PCDHA2: variants seen among roughly 807,000 people sequenced by gnomAD.
PCDHA2 encodes protocadherin alpha 2.
A neutral mutation model predicts 66.0 loss-of-function variants in PCDHA2; 58 were observed. The ratio of observed to expected loss-of-function variants is 0.88; its 90% CI spans 0.71 to 1.09. The LOEUF is 1.09. Ranked by LOEUF, PCDHA2 falls within the 50% of genes least tolerant of loss-of-function variation. PCDHA2 has a pLI of 0.00. For missense variants in PCDHA2, 1,267 were observed against 1,242.3 expected (o/e 1.02, Z -0.30); for synonymous variants, 634 against 554.0 (o/e 1.14, Z -2.03).
chr5:140,876,922 G>C (rs1554169106), intron 1 of PCDHA2: 6 of 1,613,906 alleles, frequency 3.7e-6, no homozygotes, highest in African/African-American at 2.7e-5. Context: ...GGACGCGGAC[G>C]CGCAGAAGAA....
At chr5:140,829,578 A>G in intron 1 of PCDHA2, 1 of 1,612,330 alleles carries the variant, frequency 6.2e-7, no homozygotes, top group East Asian at 2.2e-5. Context: ...TCGCTGGTGG[A>G]GCGGCGGGTG....
intron 1 of PCDHA2, among the ~76,000 whole-genome samples, chr5:140,953,875 C>T (rs1054189459): frequency 4.6e-5 from 7 of 152,088 alleles, no homozygotes; most frequent in Admixed American, 4.6e-4. Context: ...CTGCACAGAT[C>T]AACCCATCAC....
intron 1 of PCDHA2, chr5:140,870,895 G>A (rs2052513329): frequency 6.2e-7 from 1 of 1,613,844 alleles, no homozygotes; most frequent in African/African-American, 1.3e-5. Flanking sequence ...CGCAGTGGAT[G>A]CGGACTCAGG....
At chr5:140,924,477 T>C (rs1378646713) in intron 1 of PCDHA2, among the ~76,000 whole-genome samples, 1 of 152,230 alleles carries the variant, frequency 6.6e-6, no homozygotes, top group Admixed American at 6.5e-5. Context: ...AACTGGTTTT[T>C]AGTGGAACAC....
chr5:140,818,474 G>T (rs1766368154), intron 1 of PCDHA2, among the ~76,000 whole-genome samples: 1 of 152,132 alleles, frequency 6.6e-6, no homozygotes, highest in South Asian at 2.1e-4. Flanking sequence ...CTCCCACAAA[G>T]TTTTCACTCA....
At chr5:141,005,985 T>C (rs2098249971) in intron 3 of PCDHA2, among the ~76,000 whole-genome samples, 1 of 151,848 alleles carries the variant, frequency 6.6e-6, no homozygotes, top group Non-Finnish European at 1.5e-5. Context: ...AAAGAGTGTT[T>C]GAGGATCTGA....
chr5:140,921,740 C>T (rs923518440), intron 1 of PCDHA2, among the ~76,000 whole-genome samples: 1 of 152,052 alleles, frequency 6.6e-6, no homozygotes, highest in Non-Finnish European at 1.5e-5. Flanking sequence ...AAATTATAAG[C>T]ATAACAGGAC....
intron 1 of PCDHA2, among the ~76,000 whole-genome samples, chr5:140,831,452 T>G (rs1554133237): frequency 6.6e-6 from 1 of 150,554 alleles, no homozygotes; most frequent in African/African-American, 2.4e-5. Context: ...CTCGAATGCC[T>G]GGGCTCAAGT....
intron 1 of PCDHA2, among the ~76,000 whole-genome samples, chr5:140,818,604 T>A (rs537338051): frequency 6.6e-6 from 1 of 152,274 alleles, no homozygotes; most frequent in South Asian, 2.1e-4. Flanking sequence ...GTGTGGGCCA[T>A]GACAGGAGGA....
chr5:140,814,367 A>G (rs1202893906), intron 1 of PCDHA2: 1 of 151,888 alleles, frequency 6.6e-6, no homozygotes, highest in Non-Finnish European at 1.5e-5. Context: ...ATGCGATGCT[A>G]TCATCTCCTA....
chr5:140,822,866 T>A lies in PCDHA2; in HGVS notation c.2388+25514T>A. On this transcript the variant is annotated intron_variant, in intron 1 of 3. Transcript: ENST00000526136. ...CTGCCTGTCAAAGAGGACGCTCCACTCAGCACGGTCATTGCTCTGATCAGC... is the reference window on the plus strand; with the variant it reads ...CTGCCTGTCAAAGAGGACGCTCCACACAGCACGGTCATTGCTCTGATCAGC... 3 of 1,614,194 alleles carry A rather than the reference T, an allele frequency of 1.9e-6. No individual in the cohort carries two copies. The highest frequency in any genetic ancestry group is 2.5e-6 in the Non-Finnish European group (3 of 1,180,044).
intron 1 of PCDHA2, chr5:140,928,443 G>A: frequency 6.2e-7 from 1 of 1,614,184 alleles, no homozygotes. Context: ...ACTTTGAGCA[G>A]CTCAGGGGGT....
At chr5:140,912,125 T>C (rs1197015933) in intron 1 of PCDHA2, among the ~76,000 whole-genome samples, 1 of 152,160 alleles carries the variant, frequency 6.6e-6, no homozygotes, top group East Asian at 1.9e-4. Flanking sequence ...GCTAAGTCAG[T>C]CTAATCTCTC....
intron 1 of PCDHA2, among the ~76,000 whole-genome samples, chr5:140,837,787 C>T (rs1177845045): frequency 3.3e-5 from 5 of 151,766 alleles, no homozygotes; most frequent in Non-Finnish European, 7.4e-5. Context: ...CAGGATCCTC[C>T]CATCTCAGCC....
rs2150259063 is a variant in PCDHA2 at position 140,836,376 on chromosome 5, G to T, written c.2388+39024G>T. ...GCCCTCGCTGACAGCCACAGCCACCGTGCTGGTGTCGCTGGTGGAAAGCGG... is the reference window on the plus strand; with the variant it reads ...GCCCTCGCTGACAGCCACAGCCACCTTGCTGGTGTCGCTGGTGGAAAGCGG... On this transcript the variant is annotated intron_variant, in intron 1 of 3. Coordinates refer to ENST00000526136, the MANE Select transcript of PCDHA2 (RefSeq NM_018905.3). 3.7e-6 allele frequency: 6 copies of T among 1,613,644 alleles called. No homozygotes were observed. In the Admixed American group the frequency reaches 6.7e-5, roughly 18 times the overall value.
intron 1 of PCDHA2, chr5:140,875,264 C>G: frequency 8.4e-7 from 1 of 1,189,324 alleles, no homozygotes; most frequent in Non-Finnish European, 1.1e-6. Flanking sequence ...TGATGTCGCT[C>G]TACACTCAGA....
At chr5:140,806,329 T>A (rs1220747422) in intron 1 of PCDHA2, among the ~76,000 whole-genome samples, 1 of 152,210 alleles carries the variant, frequency 6.6e-6, no homozygotes, top group African/African-American at 2.4e-5. Flanking sequence ...CATTACATAC[T>A]GGAGAACAAG....
chr5:140,888,811 T>C (rs187578319), intron 1 of PCDHA2, among the ~76,000 whole-genome samples: 124 of 152,270 alleles, frequency 8.1e-4, no homozygotes, highest in African/African-American at 1.8e-3. Context: ...CAGTGATCTG[T>C]GATCTGTGAT....
chr5:140,891,755 G>C (rs1489884923), intron 1 of PCDHA2, among the ~76,000 whole-genome samples: 2 of 152,114 alleles, frequency 1.3e-5, no homozygotes, highest in Non-Finnish European at 2.9e-5. Flanking sequence ...CAACAGTGTT[G>C]GGAGGTGGGG....
Sources: gnomAD v4.1 joint callset for allele counts (sites outside exome capture counted in the v4.1 genomes callset) on GRCh38, gnomAD v4.1.1 for gene constraint, MANE v1.5 for transcripts, NCBI Gene and HGNC (gene_info 2026-07-23, HGNC 2026-07-21) for gene names.